The following TUSC3 variants were observed in gnomAD, a reference collection of about 807,000 sequenced individuals.
TUSC3 encodes dolichyl-diphosphooligosaccharide--protein glycosyltransferase subunit TUSC3.
A neutral mutation model predicts 44.8 loss-of-function variants in TUSC3; 45 were observed. The observed-to-expected ratio is 1.00, with a 90% CI of 0.79 to 1.29. The LOEUF is 1.29. Among genes scored for constraint, TUSC3 ranks in the 50% most tolerant of loss-of-function variants. The probability of loss-of-function intolerance (pLI) is 0.00; values close to 1 mark genes in which losing one functional copy is unlikely to be tolerated. For missense variants in TUSC3, 519 were observed against 437.9 expected, an observed-to-expected ratio of 1.19 and a Z score of -1.65; for synonymous variants, 212 against 152.9, an observed-to-expected ratio of 1.39 and a Z score of -2.85.
the TUSC3 span, among the ~76,000 whole-genome samples, chr8:15,783,601 A>G: frequency 6.6e-6 from 1 of 152,216 alleles, no homozygotes; most frequent in Non-Finnish European, 1.5e-5. Flanking sequence ...TTTTGACAAA[A>G]GTGTCAAGAA....
intron 10 of TUSC3, among the ~76,000 whole-genome samples, chr8:15,760,472 T>C (rs1292464764): frequency 6.6e-6 from 1 of 152,154 alleles, no homozygotes; most frequent in African/African-American, 2.4e-5. Flanking sequence ...CTTTTTATGG[T>C]GTATCTTTCA....
chr8:15,603,067 A>G (rs1022750917), intron 1 of TUSC3, among the ~76,000 whole-genome samples: 5 of 151,690 alleles, frequency 3.3e-5, no homozygotes, highest in African/African-American at 7.2e-5. Context: ...AAAGGAGACC[A>G]TAAGTAAATT....
chr8:15,793,848 A>C, the TUSC3 span, among the ~76,000 whole-genome samples: 1 of 152,324 alleles, frequency 6.6e-6, no homozygotes, highest in South Asian at 2.1e-4. Flanking sequence ...TGTTAGAATC[A>C]TGGGAAGGAA....
chr8:15,551,556 A>G (rs1423876630), intron 1 of TUSC3, among the ~76,000 whole-genome samples: 1 of 151,614 alleles, frequency 6.6e-6, no homozygotes, highest in African/African-American at 2.4e-5. Context: ...TACACTCATT[A>G]TTTTTGCCTG....
intron 1 of TUSC3, among the ~76,000 whole-genome samples, chr8:15,440,458 C>T (rs1366506976): frequency 6.6e-6 from 1 of 152,148 alleles, no homozygotes; most frequent in Non-Finnish European, 1.5e-5. Context: ...GGATTTAAAG[C>T]AGAGAATAAC....
At chr8:15,484,212 C>T (rs990376972) in intron 2 of TUSC3, among the ~76,000 whole-genome samples, 9 of 151,910 alleles carry the variant, frequency 5.9e-5, no homozygotes, top group African/African-American at 2.2e-4. Context: ...ACTTATGCAA[C>T]CATAAATTTG....
At chr8:15,500,189 C>T (rs1464944502) in intron 2 of TUSC3, among the ~76,000 whole-genome samples, 1 of 152,132 alleles carries the variant, frequency 6.6e-6, no homozygotes, top group African/African-American at 2.4e-5. Flanking sequence ...GTACACGTAT[C>T]TGGTGGTGGC....
intron 1 of TUSC3, among the ~76,000 whole-genome samples, chr8:15,592,074 G>C (rs1803865739): frequency 6.6e-6 from 1 of 152,110 alleles, no homozygotes; most frequent in African/African-American, 2.4e-5. Context: ...GAGAAGGAAA[G>C]TTATTCATTG....
At chr8:15,650,134 C>G (rs1046100809) in intron 2 of TUSC3, among the ~76,000 whole-genome samples, 1 of 152,112 alleles carries the variant, frequency 6.6e-6, no homozygotes, top group African/African-American at 2.4e-5. Flanking sequence ...AAAGAGAAAT[C>G]TTTGCTTACT....
chr8:15,430,082 A>G (rs1310106617), intron 1 of TUSC3, among the ~76,000 whole-genome samples: 1 of 151,458 alleles, frequency 6.6e-6, no homozygotes, highest in East Asian at 1.9e-4. Flanking sequence ...TTCTGAAACT[A>G]TTCCAATCAA....
At chr8:15,696,361 T>A (rs1809165022) in intron 6 of TUSC3, among the ~76,000 whole-genome samples, 1 of 152,270 alleles carries the variant, frequency 6.6e-6, no homozygotes, top group East Asian at 1.9e-4. Flanking sequence ...CAGTCAAGAA[T>A]TGAGGTTTGG....
intron 5 of TUSC3, among the ~76,000 whole-genome samples, chr8:15,668,824 G>T (rs185605895): frequency 6.6e-6 from 1 of 151,662 alleles, no homozygotes; most frequent in Non-Finnish European, 1.5e-5. Flanking sequence ...TTATGATGCT[G>T]TATGAAACTT....
At chr8:15,632,118 A>G (rs12546743) in intron 2 of TUSC3, among the ~76,000 whole-genome samples, 53,434 of 152,078 alleles carry the variant, frequency 0.35, 9,956 homozygotes, top group East Asian at 0.41. Context: ...ATTTGTCTCC[A>G]AAATGTCTTT....
At chr8:15,567,099 C>A (rs543482196) in intron 1 of TUSC3, among the ~76,000 whole-genome samples, 6 of 152,144 alleles carry the variant, frequency 3.9e-5, no homozygotes, top group African/African-American at 1.4e-4. Context: ...GCCACCATAT[C>A]TTTCTGGGTC....
At chr8:15,539,513 G>A (rs1801600274), upstream of TUSC3, among the ~76,000 whole-genome samples, 1 of 151,596 alleles carries the variant, frequency 6.6e-6, no homozygotes, top group African/African-American at 2.4e-5. Context: ...ACCATGCCCG[G>A]CTACTTTTTG....
chr8:15,792,607 T>A, the TUSC3 span, among the ~76,000 whole-genome samples: 9 of 152,198 alleles, frequency 5.9e-5, no homozygotes, highest in Non-Finnish European at 7.4e-5. Flanking sequence ...TCTTTTTTTC[T>A]TTTCGTTTTT....
At chr8:15,752,466 ATGACAGTTCTC>A (rs1585304461) in intron 9 of TUSC3, among the ~76,000 whole-genome samples, 1 of 152,288 alleles carries the variant, frequency 6.6e-6, no homozygotes, top group East Asian at 1.9e-4. Flanking sequence ...GGTGAATTTT[ATGACAGTTCTC>A]TAATTCAAAT....
chr8:15,481,048 G>A (rs1036869229), intron 1 of TUSC3, among the ~76,000 whole-genome samples: 2 of 152,072 alleles, frequency 1.3e-5, no homozygotes, highest in African/African-American at 4.8e-5. Context: ...AGGAGTTCGA[G>A]ACCAGCCTGA....
At chr8:15,627,151 C>T (rs1165388706) in intron 2 of TUSC3, among the ~76,000 whole-genome samples, 2 of 152,194 alleles carry the variant, frequency 1.3e-5, no homozygotes, top group Non-Finnish European at 2.9e-5. Context: ...TGGCTAGCTG[C>T]AGAGAGAAGC....
Sources: gnomAD v4.1 joint callset for allele counts (sites outside exome capture counted in the v4.1 genomes callset) on GRCh38, gnomAD v4.1.1 for gene constraint, MANE v1.5 for transcripts, NCBI Gene and HGNC (gene_info 2026-07-23, HGNC 2026-07-21) for gene names.